Variants in MARCHF1 observed in about 807,000 individuals in gnomAD.
The protein encoded by MARCHF1 is E3 ubiquitin-protein ligase MARCHF1.
Under a neutral mutation model 54.2 loss-of-function variants are expected in MARCHF1, and 40 were observed. That is an observed-to-expected ratio of 0.74 (90% confidence interval 0.57 to 0.96). The LOEUF (loss-of-function observed/expected upper bound fraction) is 0.96, where lower values mean the gene tolerates loss of function less well. MARCHF1 is among the 40% of genes least tolerant of loss of function. The pLI is 0.00. For synonymous variants in MARCHF1, 236 were observed against 236.3 expected, an observed-to-expected ratio of 1.00 and a Z score of 0.01; for missense variants, 586 against 656.5, an observed-to-expected ratio of 0.89 and a Z score of 1.17.
intron 4 of MARCHF1, among the ~76,000 whole-genome samples, chr4:163,790,673 C>T (rs1329272298): frequency 6.6e-6 from 1 of 152,078 alleles, no homozygotes; most frequent in Non-Finnish European, 1.5e-5. Context: ...TTTTTTCACA[C>T]TTTAATAGCC....
At chr4:164,238,087 T>C (rs895201487) in intron 1 of MARCHF1, among the ~76,000 whole-genome samples, 8 of 152,084 alleles carry the variant, frequency 5.3e-5, no homozygotes, top group Admixed American at 1.3e-4. Flanking sequence ...TTATAAGCTT[T>C]AAGTAGAAAT....
In MARCHF1 at chr4:164,364,546, C is replaced by T. The variant is rs148481384; in HGVS notation, c.-323+19324G>A. 2.0e-5 allele frequency among the ~76,000 whole-genome samples: 3 copies of T among 152,172 alleles called. No individual in the cohort carries two copies. In the East Asian group the frequency reaches 5.8e-4, roughly 29 times the overall value. ...TTAACGTTGAACATACATTTTACAACTCTCCATATTCAATTTGCCACCCCT... is the reference window on the plus strand; with the variant it reads ...TTAACGTTGAACATACATTTTACAATTCTCCATATTCAATTTGCCACCCCT... On this transcript the variant is annotated intron_variant, in intron 1 of 9. Coordinates refer to ENST00000514618, the MANE Select transcript of MARCHF1 (RefSeq NM_001394959.1).
intron 5 of MARCHF1, among the ~76,000 whole-genome samples, chr4:163,671,668 T>C (rs893227934): frequency 1.3e-5 from 2 of 152,172 alleles, no homozygotes; most frequent in African/African-American, 4.8e-5. Context: ...TGTGTTTTCA[T>C]TGGTATTTGT....
chr4:163,557,607 G>A (rs1560940780), intron 8 of MARCHF1, among the ~76,000 whole-genome samples: 4 of 152,144 alleles, frequency 2.6e-5, no homozygotes, highest in Admixed American at 6.5e-5. Flanking sequence ...GCTCAAGAGT[G>A]AGAACTGAAC....
At chr4:164,093,356 G>A (rs1038878528) in intron 2 of MARCHF1, among the ~76,000 whole-genome samples, 1 of 152,048 alleles carries the variant, frequency 6.6e-6, no homozygotes, top group Non-Finnish European at 1.5e-5. Flanking sequence ...TTATAAAAAT[G>A]GATTTTATCA....
At chr4:164,237,308 A>G (rs370724419) in intron 1 of MARCHF1, among the ~76,000 whole-genome samples, 5 of 152,244 alleles carry the variant, frequency 3.3e-5, no homozygotes, top group East Asian at 1.9e-4. Flanking sequence ...TTTGTCTAAG[A>G]TCTCAGTTAA....
At chr4:163,721,144 G>A (rs1038628006) in intron 4 of MARCHF1, among the ~76,000 whole-genome samples, 20 of 152,146 alleles carry the variant, frequency 1.3e-4, no homozygotes, top group East Asian at 3.9e-4. Flanking sequence ...TTGCCCATTC[G>A]GTATGATACT....
At chr4:163,718,423 C>T (rs1745333429) in intron 4 of MARCHF1, among the ~76,000 whole-genome samples, 1 of 152,138 alleles carries the variant, frequency 6.6e-6, no homozygotes, top group Non-Finnish European at 1.5e-5. Context: ...GGGCTAATAT[C>T]CAGAATCTAC....
At chr4:164,349,706 C>T (rs910747466) in intron 1 of MARCHF1, among the ~76,000 whole-genome samples, 1 of 152,024 alleles carries the variant, frequency 6.6e-6, no homozygotes, top group Non-Finnish European at 1.5e-5. Context: ...TATTTATCAG[C>T]ACATAGCAGT....
At chr4:164,162,938 C>G (rs1478531499) in intron 1 of MARCHF1, among the ~76,000 whole-genome samples, 2 of 152,048 alleles carry the variant, frequency 1.3e-5, no homozygotes, top group Admixed American at 1.3e-4. Context: ...GCTAACTTCT[C>G]AAGAGCAACA....
At chr4:164,164,882 T>A (rs1730330718) in intron 1 of MARCHF1, among the ~76,000 whole-genome samples, 1 of 151,996 alleles carries the variant, frequency 6.6e-6, no homozygotes, top group Non-Finnish European at 1.5e-5. Context: ...ATGGGCCAAG[T>A]AAGACCCTCC....
intron 4 of MARCHF1, among the ~76,000 whole-genome samples, chr4:163,738,210 G>A (rs1415191648): frequency 6.6e-6 from 1 of 152,188 alleles, no homozygotes; most frequent in Non-Finnish European, 1.5e-5. Flanking sequence ...ACAGAAAAAT[G>A]TAGAGGACAC....
chr4:164,352,732 T>C (rs1237570047), intron 1 of MARCHF1, among the ~76,000 whole-genome samples: 2 of 143,534 alleles, frequency 1.4e-5, no homozygotes, highest in Non-Finnish European at 3.1e-5. Context: ...GCTAACATCA[T>C]AATGACAGGA....
intron 4 of MARCHF1, among the ~76,000 whole-genome samples, chr4:163,731,327 A>C (rs1436374650): frequency 2.6e-5 from 4 of 152,208 alleles, no homozygotes; most frequent in Non-Finnish European, 5.9e-5. Context: ...CACAGGCCAG[A>C]TTTATCTTCC....
chr4:164,023,335 C>T (rs993591646), intron 2 of MARCHF1, among the ~76,000 whole-genome samples: 7 of 152,116 alleles, frequency 4.6e-5, no homozygotes, highest in African/African-American at 1.7e-4. Context: ...ATTTGTCTTC[C>T]CTGCACACTA....
intron 2 of MARCHF1, among the ~76,000 whole-genome samples, chr4:164,048,770 T>G (rs1192713318): frequency 6.6e-6 from 1 of 152,156 alleles, no homozygotes; most frequent in Non-Finnish European, 1.5e-5. Context: ...ACTTCTCCCT[T>G]ACATTAATTG....
In MARCHF1 at chr4:163,530,891, G is replaced by A. The variant is rs114660335; in HGVS notation, c.1340-1845C>T. Among the ~76,000 whole-genome samples, 779 of 151,738 alleles carry A rather than the reference G, an allele frequency of 5.1e-3. 4 individuals are homozygous for A. Among genetic ancestry groups the A allele is most frequent in the Non-Finnish European group, 8.9e-3 (605 of 67,790 alleles). Reference sequence around the variant, plus strand: ...GAAATAATACTTCAAAATATCATTGGCCAAAGCTCACACAGGAGAAATAAG... The same window carrying A: ...GAAATAATACTTCAAAATATCATTGACCAAAGCTCACACAGGAGAAATAAG... On this transcript the variant is annotated intron_variant, in intron 9 of 9. Transcript: ENST00000514618.
At chr4:163,957,670 C>T (rs138767650) in intron 3 of MARCHF1, among the ~76,000 whole-genome samples, 16 of 152,048 alleles carry the variant, frequency 1.1e-4, no homozygotes, top group Non-Finnish European at 1.9e-4. Flanking sequence ...AAGGAAATAG[C>T]TCTATTTGTC....
At chr4:163,872,751 A>G (rs1161169471) in intron 3 of MARCHF1, among the ~76,000 whole-genome samples, 1 of 152,160 alleles carries the variant, frequency 6.6e-6, no homozygotes, top group Non-Finnish European at 1.5e-5. Context: ...AGATAATAAA[A>G]ATGATGAAGT....
Sources: gnomAD v4.1 joint callset for allele counts (sites outside exome capture counted in the v4.1 genomes callset) on GRCh38, gnomAD v4.1.1 for gene constraint, MANE v1.5 for transcripts, NCBI Gene and HGNC (gene_info 2026-07-23, HGNC 2026-07-21) for gene names.